The following LGALS4 variants were observed in gnomAD, a reference collection of about 807,000 sequenced individuals.
LGALS4 encodes galectin-4.
LGALS4 carries 37 observed loss-of-function variants against 39.6 expected under a neutral mutation model. The ratio of observed to expected loss-of-function variants is 0.93; its 90% CI spans 0.72 to 1.23. The LOEUF (loss-of-function observed/expected upper bound fraction) is 1.23, where lower values mean the gene tolerates loss of function less well. Ranked by LOEUF, LGALS4 falls within the 50% of genes most tolerant of loss-of-function variation. The pLI, the probability that LGALS4 is intolerant of heterozygous loss-of-function variation, is 0.00. For missense variants in LGALS4, 397 were observed against 433.2 expected (o/e 0.92, Z 0.74); for synonymous variants, 160 against 165.5 (o/e 0.97, Z 0.25).
chr19:38,804,018 TCAA>T, intron 4 of LGALS4, 123 bp from the exon 5 acceptor site: 2 of 1,127,866 alleles, frequency 1.8e-6, no homozygotes, highest in Non-Finnish European at 1.3e-6. Context: ...AACTCTGGCA[TCAA>T]AGGGTGGCAC....
In LGALS4 at chr19:38,802,058, A is replaced by G. The variant is rs1428333258; in HGVS notation, c.759T>C (p.Asn253=). Reference sequence around the variant, plus strand: ...TCTTCTCCTCGGATCCCCACGAGCCATTCAGAAGGCTGTTCCGGACCACGG... The same window carrying G: ...TCTTCTCCTCGGATCCCCACGAGCCGTTCAGAAGGCTGTTCCGGACCACGG... The part of the protein sequence containing the change: ...NGTVVRNSLL[N]GSWGSEEKKI... The change falls in exon 9 of 10, where the codon AAT becomes AAC. Residue 253 remains asparagine (N), a synonymous_variant. Transcript: ENST00000307751. The G allele has an allele frequency of 2.5e-6, 4 of 1,614,126 alleles. No individual in the cohort carries two copies. In the African/African-American group the frequency reaches 5.3e-5, roughly 22 times the overall value.
At chr19:38,804,009 A>T in intron 4 of LGALS4, 114 bp from the exon 5 acceptor site, 3 of 1,193,144 alleles carry the variant, frequency 2.5e-6, no homozygotes, top group Non-Finnish European at 3.6e-6. Flanking sequence ...ATGCCAGAGA[A>T]CTCTGGCATC....
At chr19:38,805,234 GTTAT>G (rs1333588084) in intron 4 of LGALS4, among the ~76,000 whole-genome samples, 1 of 150,890 alleles carries the variant, frequency 6.6e-6, no homozygotes, top group Non-Finnish European at 1.5e-5. Flanking sequence ...TTAATTGTAT[GTTAT>G]TTATTTTTAA....
Position 38,808,151 on chromosome 19 carries a change from A to G in LGALS4, c.339+593T>C, listed in dbSNP as rs190097889. Among the ~76,000 whole-genome samples, 470 of 151,434 alleles carry G rather than the reference A, an allele frequency of 3.1e-3. 4 individuals are homozygous for G. Among genetic ancestry groups the G allele is most frequent in the African/African-American group, 0.01 (432 of 41,466 alleles). On this transcript the variant is annotated intron_variant, in intron 3 of 9. Transcript: ENST00000307751. The stretch of plus-strand genomic sequence containing the variant: ...AAATAAATAAATAAATAATAAAATA[A>G]AATAAAATAGGCAGGAAAGAAGGAA...
In LGALS4 at chr19:38,811,296, C is replaced by T. The variant is rs1324921623; in HGVS notation, c.134+1135G>A. On this transcript the variant is annotated intron_variant, in intron 2 of 9. Coordinates refer to ENST00000307751, the MANE Select transcript of LGALS4 (RefSeq NM_006149.4). ...CTCCTCCATCCCTAGTGCCAGGACACAGAATAGGCACTCAGTGAAGAAGTA... is the reference window on the plus strand; with the variant it reads ...CTCCTCCATCCCTAGTGCCAGGACATAGAATAGGCACTCAGTGAAGAAGTA... Among the ~76,000 whole-genome samples the T allele has an allele frequency of 3.3e-5, 5 of 151,950 alleles. No homozygotes were observed. In the East Asian group the frequency reaches 7.7e-4, roughly 23 times the overall value.
intron 1 of LGALS4, 76 bp downstream of exon 1, chr19:38,812,766 A>T: frequency 3.3e-6 from 5 of 1,517,224 alleles, no homozygotes; most frequent in Non-Finnish European, 3.6e-6. Flanking sequence ...GCCCCCCAGG[A>T]TCAGAGTGGG....
chr19:38,806,031 C>CA (rs2145355713), intron 4 of LGALS4, among the ~76,000 whole-genome samples: 1 of 152,036 alleles, frequency 6.6e-6, no homozygotes, highest in South Asian at 2.1e-4. Flanking sequence ...AGAATCACAC[C>CA]ACTGTACTCC....
At position 38,802,399 on chromosome 19, in the gene LGALS4, C is replaced by T; in HGVS notation, c.576G>A (p.Val192=). 6.2e-7 allele frequency: 1 copy of T among 1,613,998 alleles called. No individual in the cohort carries two copies. The highest frequency in any genetic ancestry group is 8.5e-7 in the Non-Finnish European group (1 of 1,179,862). Residue 192 remains valine (V), a synonymous_variant, in exon 8 of 10, where the codon GTG becomes GTA. Transcript: ENST00000307751. The part of the protein sequence containing the change: ...MEGPPTFNPP[V]PYFGRLQGGL... ...CTCCTTGCAGCCTCCCGAAATATGG[C>T]ACAGGCTGTGGGAAGAGAACGGGGG...
intron 4 of LGALS4, among the ~76,000 whole-genome samples, chr19:38,805,168 A>G (rs1568350732): frequency 9.7e-6 from 1 of 103,496 alleles, no homozygotes; most frequent in African/African-American, 3.1e-5. Flanking sequence ...TGCCTCAAAA[A>G]TAATAATAAT....
At position 38,808,723 on chromosome 19, in the gene LGALS4, CAA is replaced by C. The variant is rs767271982; in HGVS notation, c.339+19_339+20del. ...CGCCACTGCACTCCAGCTTGGGAAA[CAA>C]GAGAGAAAGCATGCAGACCTTGTAG... On this transcript the variant is annotated intron_variant, in intron 3 of 9. Transcript: ENST00000307751. The C allele has an allele frequency of 2.1e-5, 34 of 1,604,734 alleles. No homozygotes were observed. Among genetic ancestry groups the C allele is most frequent in the East Asian group, 9.0e-5 (4 of 44,614 alleles).
intron 4 of LGALS4, among the ~76,000 whole-genome samples, chr19:38,804,309 C>T (rs554476241): frequency 3.3e-5 from 5 of 152,270 alleles, no homozygotes; most frequent in South Asian, 2.1e-4. Context: ...GATGGAATTT[C>T]GCTCTTGTTG....
In LGALS4 at chr19:38,802,313, T is replaced by A. The variant is rs1321853131; in HGVS notation, c.659+3A>T. The A allele has an allele frequency of 1.9e-6, 3 of 1,613,680 alleles. No homozygotes were observed. In the East Asian group the frequency reaches 6.7e-5, roughly 36 times the overall value. ...GGGGGTTCCCACCTAGTTTACGTTA[T>A]ACCTCTTGCCTGTGGGAGGCACATA... is the stretch of plus-strand genomic sequence containing the variant. On this transcript the variant is annotated splice_donor_region_variant and intron_variant, in intron 8 of 9. Coordinates refer to ENST00000307751, the MANE Select transcript of LGALS4 (RefSeq NM_006149.4).
intron 4 of LGALS4, among the ~76,000 whole-genome samples, chr19:38,805,912 A>C (rs1363554439): frequency 6.6e-6 from 1 of 152,164 alleles, no homozygotes; most frequent in Non-Finnish European, 1.5e-5. Flanking sequence ...TCTCTACTAA[A>C]AATACAAAAA....
Position 38,808,902 on chromosome 19 carries a change from C to T in LGALS4, c.181G>A (p.Ala61Thr), listed in dbSNP as rs762153922. ...TCAAACCGCGGATTGAAGTGGAAGG[C>T]GACGTCTGAGCCCGGATCCTGCCCA... ...VVGQDPGSDV[A>T]FHFNPRFDGW... Residue 61 changes from alanine (A) to threonine (T), a missense_variant, in exon 3 of 10, where the codon GCC (alanine) becomes ACC (threonine). Transcript: ENST00000307751. The T allele has an allele frequency of 3.0e-5, 48 of 1,613,958 alleles. No homozygotes were observed. The Middle Eastern group carries it at 4.9e-4, about 17-fold the overall frequency.
In LGALS4 at chr19:38,812,825, C is replaced by A. The variant is rs1418140477; in HGVS notation, c.45+17G>T. The A allele has an allele frequency of 6.2e-7, 1 of 1,610,576 alleles. No individual in the cohort carries two copies. The highest frequency in any genetic ancestry group is 2.2e-5 in the East Asian group (1 of 44,880). Reference sequence around the variant, plus strand: ...GACGGAGCTGCGGGCGGAGTGGGGCCTGAGCTGGCATCTCACCGGGTTGTA... The same window carrying A: ...GACGGAGCTGCGGGCGGAGTGGGGCATGAGCTGGCATCTCACCGGGTTGTA... On this transcript the variant is annotated intron_variant, in intron 1 of 9. Coordinates refer to ENST00000307751, the MANE Select transcript of LGALS4 (RefSeq NM_006149.4).
intron 2 of LGALS4, among the ~76,000 whole-genome samples, chr19:38,811,804 A>T (rs372867508): frequency 6.6e-6 from 1 of 152,162 alleles, no homozygotes; most frequent in Non-Finnish European, 1.5e-5. Flanking sequence ...ACTTGAGGTC[A>T]GGAGTTCGAG....
chr19:38,808,746 T>C lies in LGALS4; in HGVS notation c.337A>G (p.Lys113Glu), dbSNP rs1455338252. The C allele has an allele frequency of 6.2e-7, 1 of 1,613,728 alleles. No homozygotes were observed. The highest frequency in any genetic ancestry group is 1.7e-5 in the Admixed American group (1 of 59,970). ...LVFIVLAEHY[K>E]VVVNGNPFYE... Reference sequence around the variant, plus strand: ...AACAAGAGAGAAAGCATGCAGACCTTGTAGTGCTCAGCCAGGACTATGAAG... The same window carrying C: ...AACAAGAGAGAAAGCATGCAGACCTCGTAGTGCTCAGCCAGGACTATGAAG... Residue 113 changes from lysine to glutamate, a missense_variant and splice_region_variant, in exon 3 of 10, where the codon AAG (lysine) becomes GAG (glutamate). Coordinates refer to ENST00000307751, the MANE Select transcript of LGALS4 (RefSeq NM_006149.4).
chr19:38,812,492 C>G lies in LGALS4; in HGVS notation c.73G>C (p.Gly25Arg). The change falls in exon 2 of 10, where the codon GGC becomes CGC. Residue 25 changes from glycine to arginine, a missense_variant. Gly to Arg is a moderately radical substitution (Grantham distance 125). Coordinates refer to ENST00000307751, the MANE Select transcript of LGALS4 (RefSeq NM_006149.4). ...PTLPYYQPIP[G>R]GLNVGMSVYI... ...ACAGACATTCCCACGTTGAGCCCGCCCGGGATGGGCTGGTAGTAAGGCAGC... is the reference window on the plus strand; with the variant it reads ...ACAGACATTCCCACGTTGAGCCCGCGCGGGATGGGCTGGTAGTAAGGCAGC... The G allele has an allele frequency of 6.2e-7, 1 of 1,614,214 alleles. No homozygotes were observed. Among genetic ancestry groups the G allele is most frequent in the Non-Finnish European group, 8.5e-7 (1 of 1,180,042 alleles).
At chr19:38,804,487 C>T (rs1454231468) in intron 4 of LGALS4, among the ~76,000 whole-genome samples, 1 of 152,136 alleles carries the variant, frequency 6.6e-6, no homozygotes, top group East Asian at 1.9e-4. Context: ...CCATGTTGGT[C>T]AGGCTGGTCT....
Sources: gnomAD v4.1 joint callset for allele counts (sites outside exome capture counted in the v4.1 genomes callset) on GRCh38, gnomAD v4.1.1 for gene constraint, MANE v1.5 for transcripts, NCBI Gene and HGNC (gene_info 2026-07-23, HGNC 2026-07-21) for gene names.